ADA: variants seen among roughly 807,000 people sequenced by gnomAD.
ADA encodes adenosine aminohydrolase.
In ADA, 45 loss-of-function variants were observed where a neutral mutation model predicts 49.0. The observed-to-expected ratio is 0.92, with a 90% CI of 0.72 to 1.18. The LOEUF (loss-of-function observed/expected upper bound fraction) is 1.18. ADA is among the 50% of genes most tolerant of loss of function. ADA has a pLI of 0.00. For missense variants in ADA, 445 were observed against 472.5 expected, an observed-to-expected ratio of 0.94 and a Z score of 0.54; for synonymous variants, 173 against 184.2, an observed-to-expected ratio of 0.94 and a Z score of 0.49.
chr20:44,622,301 A>AGCGTTCTGCTTCC (rs1423345872), intron 9 of ADA, among the ~76,000 whole-genome samples: 3 of 152,284 alleles, frequency 2.0e-5, no homozygotes, highest in Admixed American at 2.0e-4. Flanking sequence ...GGAGAATTGG[A>AGCGTTCTGCTTCC]AGTGTGGAAG....
chr20:44,634,715 C>A (rs447833), intron 2 of ADA, among the ~76,000 whole-genome samples: 1 of 152,074 alleles, frequency 6.6e-6, no homozygotes, highest in African/African-American at 2.4e-5. Context: ...CCTGGAAGTG[C>A]GAAAAGATGG....
chr20:44,622,903 G>A lies in ADA; in HGVS notation c.706C>T (p.Leu236=). The change falls in exon 8 of 12, where the codon CTG becomes TTG. Residue 236 remains leucine, a synonymous_variant. Transcript: ENST00000372874. The part of the protein sequence containing the change: ...EAVDILKTER[L]GHGYHTLEDQ... ...TCCAGGGTGTGGTAGCCGTGTCCCA[G>A]CCGCTCTGTCTTGAGTATGTCCACA... 1.2e-6 allele frequency: 2 copies of A among 1,614,258 alleles called. No homozygotes were observed. The highest frequency in any genetic ancestry group is 1.7e-6 in the Non-Finnish European group (2 of 1,180,044).
At chr20:44,625,902 G>A (rs1250582140) in intron 4 of ADA, among the ~76,000 whole-genome samples, 1 of 152,162 alleles carries the variant, frequency 6.6e-6, no homozygotes, top group African/African-American at 2.4e-5. Context: ...TTAGTGGGAG[G>A]TGTGGGGTGT....
chr20:44,649,717 G>A (rs950823332), intron 1 of ADA, among the ~76,000 whole-genome samples: 2 of 147,354 alleles, frequency 1.4e-5, no homozygotes, highest in Admixed American at 1.4e-4. Context: ...CAACATGTTC[G>A]CAATCAAGGA....
intron 10 of ADA, 109 bp from the exon 11 acceptor site, chr20:44,620,510 A>G: frequency 2.2e-6 from 2 of 919,558 alleles, no homozygotes; most frequent in Non-Finnish European, 3.5e-6. Flanking sequence ...AGATACGCTT[A>G]GAGGGGGAAG....
chr20:44,623,311 C>A (rs2065350881), intron 6 of ADA, among the ~76,000 whole-genome samples: 1 of 152,212 alleles, frequency 6.6e-6, no homozygotes, highest in Non-Finnish European at 1.5e-5. Flanking sequence ...ATCTAATATT[C>A]ACAACTATTA....
intron 2 of ADA, among the ~76,000 whole-genome samples, chr20:44,632,985 T>C (rs1043473316): frequency 2.6e-5 from 4 of 152,236 alleles, no homozygotes; most frequent in African/African-American, 9.6e-5. Flanking sequence ...TGAGCCACCA[T>C]GCACGCTCTG....
chr20:44,627,851 C>G (rs1030891881), intron 3 of ADA, among the ~76,000 whole-genome samples: 2 of 152,182 alleles, frequency 1.3e-5, no homozygotes, highest in Non-Finnish European at 2.9e-5. Flanking sequence ...GCTGTGTGAC[C>G]CCTGGTTAGT....
In ADA at chr20:44,622,932, T is replaced by C; in HGVS notation, c.679-2A>G. 1 of 1,614,172 alleles carries C rather than the reference T, an allele frequency of 6.2e-7. No individual in the cohort carries two copies. The highest frequency in any genetic ancestry group is 8.5e-7 in the Non-Finnish European group (1 of 1,180,018). On this transcript the variant is annotated splice_acceptor_variant, in intron 7 of 11. Transcript: ENST00000372874. LOFTEE classifies it high-confidence loss of function. ...CTCTGTCTTGAGTATGTCCACAGCCTGTAGAGAAGCAGAATAGAGCCAAGT... is the reference window on the plus strand; with the variant it reads ...CTCTGTCTTGAGTATGTCCACAGCCCGTAGAGAAGCAGAATAGAGCCAAGT...
At chr20:44,645,601 G>A (rs577678593) in intron 1 of ADA, among the ~76,000 whole-genome samples, 6 of 152,082 alleles carry the variant, frequency 3.9e-5, no homozygotes, top group East Asian at 1.9e-4. Context: ...CAGCCTGGGC[G>A]ACAGAGTGAG....
At position 44,640,414 on chromosome 20, in the gene ADA, CA is replaced by C. The variant is rs201828319; in HGVS notation, c.34-4127del. 3.4e-3 allele frequency among the ~76,000 whole-genome samples: 495 copies of C among 144,580 alleles called. 1 individual carries two copies. The highest frequency in any genetic ancestry group is 5.5e-3 in the Non-Finnish European group (365 of 66,098). 94.9% of individuals were successfully genotyped at this position (144,580 alleles called of 152,430 possible). A position where few individuals can be genotyped will look rare whatever the true frequency, so the allele number is the denominator to read the frequency against. ...TGGGCAACAGAGCAATACTCCCTCT[CA>C]AAAAAAAAATATTAACTTATGGCGG... On this transcript the variant is annotated intron_variant, in intron 1 of 11. Coordinates refer to ENST00000372874, the MANE Select transcript of ADA (RefSeq NM_000022.4).
At chr20:44,629,800 C>G (rs564175570) in intron 2 of ADA, among the ~76,000 whole-genome samples, 1 of 152,196 alleles carries the variant, frequency 6.6e-6, no homozygotes, top group African/African-American at 2.4e-5. Flanking sequence ...ACTACAGCAG[C>G]GCTCAGTAAG....
intron 10 of ADA, 26 bp downstream of exon 10, chr20:44,620,992 G>C (rs1215615990): frequency 1.9e-6 from 3 of 1,613,402 alleles, no homozygotes; most frequent in Non-Finnish European, 2.5e-6. Flanking sequence ...CCCGAGTCAA[G>C]GCCAGTATGG....
chr20:44,638,698 A>G (rs2065503452), intron 1 of ADA, among the ~76,000 whole-genome samples: 1 of 152,206 alleles, frequency 6.6e-6, no homozygotes, highest in Admixed American at 6.5e-5. Context: ...CAGGCCCCAG[A>G]GTGGGAGAGG....
rs2065316932 is a variant in ADA at position 44,620,323 on chromosome 20, C to T, written c.1054G>A (p.Gly352Arg). 2 of 1,614,180 alleles carry T rather than the reference C, an allele frequency of 1.2e-6. No homozygotes were observed. Among genetic ancestry groups the T allele is most frequent in the African/African-American group, 1.3e-5 (1 of 75,040 alleles). ...CCTGCAGAGGCTGAAGGTGGCATCC[C>T]ATAGGCTTTATAGAGCAGGTCGAGA... ...ELLDLLYKAY[G>R]MPPSASAGQN... is the part of the protein sequence containing the mutation. Residue 352 changes from glycine to arginine, a missense_variant, in exon 11 of 12, where the codon GGG (glycine) becomes AGG (arginine). Gly to Arg is a moderately radical substitution (Grantham distance 125, BLOSUM62 -2). Transcript: ENST00000372874.
At chr20:44,631,460 G>A (rs559943553) in intron 2 of ADA, among the ~76,000 whole-genome samples, 8 of 152,282 alleles carry the variant, frequency 5.3e-5, no homozygotes, top group East Asian at 1.9e-4. Flanking sequence ...AACTGTGGCC[G>A]CTGAAGAGCC....
rs138712295 is a variant in ADA, at chr20:44,643,429, A to G, written c.34-7141T>C. ...CAGACATCAATAATACAGAAATAATAATAATGATAAAGCAGCTACCTACTG... is the reference window on the plus strand; with the variant it reads ...CAGACATCAATAATACAGAAATAATGATAATGATAAAGCAGCTACCTACTG... On this transcript the variant is annotated intron_variant, in intron 1 of 11. Coordinates refer to ENST00000372874, the MANE Select transcript of ADA (RefSeq NM_000022.4). Among the ~76,000 whole-genome samples, 40 of 152,314 alleles carry G rather than the reference A, an allele frequency of 2.6e-4. 1 individual carries two copies. Among genetic ancestry groups the G allele is most frequent in the Admixed American group, 2.5e-3 (38 of 15,300 alleles).
chr20:44,651,696 C>T lies in ADA; in HGVS notation c.-89G>A, dbSNP rs887036140. ...GTGGCCGCTCGGCTTTCCCTGGGGC[C>T]AGCGGTGGCCGCGGCCGGCCACGCT... On this transcript the variant is annotated 5_prime_UTR_variant, in exon 1 of 12. Transcript: ENST00000372874. 2 of 1,367,120 alleles carry T rather than the reference C, an allele frequency of 1.5e-6. No individual in the cohort carries two copies. Among genetic ancestry groups the T allele is most frequent in the Admixed American group, 3.6e-5 (1 of 27,614 alleles). 84.7% of individuals were successfully genotyped at this position (1,367,120 alleles called of 1,614,324 possible). A position where few individuals can be genotyped will look rare whatever the true frequency, so the allele number is the denominator to read the frequency against.
At chr20:44,643,222 T>C (rs562238963) in intron 1 of ADA, among the ~76,000 whole-genome samples, 4 of 152,338 alleles carry the variant, frequency 2.6e-5, no homozygotes, top group Non-Finnish European at 4.4e-5. Context: ...ACCATCTATA[T>C]GCATTATCTT....
Sources: allele counts gnomAD v4.1 joint callset (sites outside exome capture counted in the v4.1 genomes callset), GRCh38; gene constraint gnomAD v4.1.1; transcripts MANE v1.5; gene names NCBI Gene and HGNC (gene_info 2026-07-23, HGNC 2026-07-21).